Variants in PTPRF observed in about 807,000 individuals in gnomAD.
PTPRF encodes the protein protein tyrosine phosphatase receptor type F, also known as receptor-type tyrosine-protein phosphatase F.
A neutral mutation model predicts 201.8 loss-of-function variants in PTPRF; 59 were observed. The observed-to-expected ratio is 0.29, with a 90% CI of 0.24 to 0.36. PTPRF has a LOEUF of 0.36. Ranked by LOEUF, PTPRF falls within the 10% of genes least tolerant of loss-of-function variation. The pLI is 1.00. For missense variants in PTPRF, 2,132 were observed against 2,690.5 expected (o/e 0.79, Z 4.59); for synonymous variants, 1,088 against 1,089.7 (o/e 1.00, Z 0.03).
Position 43,578,873 on chromosome 1 carries a change from A to G in PTPRF, c.632A>G (p.Asn211Ser). ...DQGKYECVAT[N>S]SAGTRYSAPA... ...GGCAAGTACGAGTGTGTGGCGACCA[A>G]CTCGGCAGGCACACGTTACTCAGCC... Residue 211 changes from asparagine to serine, a missense_variant, in exon 7 of 34, where the codon AAC (asparagine) becomes AGC (serine). Physicochemically the swap from Asn to Ser is conservative, Grantham distance 46. This residue lies in a region of PTPRF where 297 missense variants were observed against 454.0 expected (regional missense o/e 0.65). Transcript: ENST00000359947. 6.2e-7 allele frequency: 1 copy of G among 1,614,166 alleles called. No homozygotes were observed. Among genetic ancestry groups the G allele is most frequent in the Non-Finnish European group, 8.5e-7 (1 of 1,180,022 alleles).
upstream of PTPRF, among the ~76,000 whole-genome samples, chr1:43,526,496 C>G (rs890350167): frequency 6.6e-6 from 1 of 151,972 alleles, no homozygotes; most frequent in African/African-American, 2.4e-5. Context: ...AAGTCCTGGG[C>G]CTTTTTTCTC....
At chr1:43,605,700 C>A in intron 19 of PTPRF, 78 bp downstream of exon 19, 1 of 1,358,140 alleles carries the variant, frequency 7.4e-7, no homozygotes, top group Non-Finnish European at 1.0e-6. Context: ...GAGCACTGTC[C>A]CAGTGACTCT....
Position 43,603,929 on chromosome 1 carries a change from G to A in PTPRF, c.2777G>A (p.Gly926Glu). ...SGFPQNLHVTGLTTSTTELAW... is the reference protein window; with the variant it reads ...SGFPQNLHVTELTTSTTELAW... ...TTCCCCCAAAACCTGCATGTGACAG[G>A]ACTGACCACGTCTACCACAGAACTG... Residue 926 changes from glycine to glutamate, a missense_variant, in exon 16 of 34, where the codon GGA becomes GAA. Coordinates refer to ENST00000359947, the MANE Select transcript of PTPRF (RefSeq NM_002840.5). This position sits in a 1 kb window ranked among gnomAD's most constrained non-coding sequence, Gnocchi z 5.8. 1 of 1,614,126 alleles carries A rather than the reference G, an allele frequency of 6.2e-7. No individual in the cohort carries two copies. Among genetic ancestry groups the A allele is most frequent in the Non-Finnish European group, 8.5e-7 (1 of 1,180,048 alleles).
At chr1:43,585,491 G>A (rs1056926184) in intron 7 of PTPRF, among the ~76,000 whole-genome samples, 6 of 152,196 alleles carry the variant, frequency 3.9e-5, no homozygotes, top group Non-Finnish European at 8.8e-5. Context: ...CTCTGGACCT[G>A]AGGCCCTTGC....
At chr1:43,569,457 G>C in intron 5 of PTPRF, 133 bp from the exon 6 acceptor site, 1 of 898,950 alleles carries the variant, frequency 1.1e-6, no homozygotes, top group Non-Finnish European at 1.7e-6. Flanking sequence ...TATGCTTCAT[G>C]CTTAGAAGTC....
chr1:43,532,679 T>C (rs1300236639), intron 1 of PTPRF: 1 of 155,350 alleles, frequency 6.4e-6, no homozygotes, highest in Non-Finnish European at 1.5e-5. Context: ...GAAATTTCTG[T>C]GCTTAGCTCC....
intron 1 of PTPRF, among the ~76,000 whole-genome samples, chr1:43,536,276 G>A (rs1321084783): frequency 6.6e-6 from 1 of 152,174 alleles, no homozygotes; most frequent in Non-Finnish European, 1.5e-5. Flanking sequence ...TGCCTGATAG[G>A]TTGTTTTGAG....
chr1:43,596,165 G>C (rs931428104), intron 11 of PTPRF, among the ~76,000 whole-genome samples: 2 of 152,174 alleles, frequency 1.3e-5, no homozygotes, highest in African/African-American at 4.8e-5. Flanking sequence ...CAAGGTTGAT[G>C]GACAGGCATC....
chr1:43,529,123 GA>G (rs963510757), upstream of PTPRF, among the ~76,000 whole-genome samples: 4 of 151,990 alleles, frequency 2.6e-5, no homozygotes, highest in African/African-American at 4.8e-5. Flanking sequence ...CAAAGTTCTG[GA>G]AAAAAAGGCA....
upstream of PTPRF, among the ~76,000 whole-genome samples, chr1:43,530,702 A>C (rs932123203): frequency 6.6e-6 from 1 of 152,154 alleles, no homozygotes; most frequent in Admixed American, 6.5e-5. The surrounding 1 kb of genome is among the most constrained non-coding windows in gnomAD (Gnocchi z 4.1). Context: ...CGGGTTCAAT[A>C]TTGAGGTTCC....
chr1:43,576,217 C>T (rs150871124), intron 6 of PTPRF, among the ~76,000 whole-genome samples: 1 of 152,388 alleles, frequency 6.6e-6, no homozygotes, highest in Non-Finnish European at 1.5e-5. Flanking sequence ...ACAGAAGGGA[C>T]CCCATCAGCT....
intron 2 of PTPRF, among the ~76,000 whole-genome samples, chr1:43,538,516 G>A (rs972958646): frequency 6.6e-6 from 1 of 152,196 alleles, no homozygotes; most frequent in Admixed American, 6.5e-5. Context: ...TAGACAGGAC[G>A]TGGTGAAGGA....
chr1:43,602,048 T>C (rs1458760483), intron 13 of PTPRF, 23 bp from the exon 14 acceptor site: 1 of 1,610,606 alleles, frequency 6.2e-7, no homozygotes, highest in South Asian at 1.1e-5. Context: ...CTGTCTCCCT[T>C]TCTCTCCCTC....
rs1438647118 is a variant in PTPRF at position 43,545,183 on chromosome 1, A to G, written c.91+17A>G. ...ATGGTGACAGTAAGTCTGACCCCTC[A>G]AGGTACAGATCTCCCAGGTTGAAAG... On this transcript the variant is annotated intron_variant, in intron 3 of 33. Transcript: ENST00000359947. 1.3e-6 allele frequency: 2 copies of G among 1,562,048 alleles called. No individual in the cohort carries two copies. Among genetic ancestry groups the G allele is most frequent in the Admixed American group, 3.8e-5 (2 of 52,846 alleles).
intron 11 of PTPRF, 22 bp from the exon 12 acceptor site, chr1:43,597,726 C>T (rs769318028): frequency 2.4e-5 from 32 of 1,318,340 alleles, no homozygotes; most frequent in Non-Finnish European, 3.3e-5. Flanking sequence ...CTGCTTGCTT[C>T]CCCCCCATTT....
chr1:43,619,024 G>A (rs749612370), intron 26 of PTPRF, 24 bp from the exon 27 acceptor site: 11 of 1,607,164 alleles, frequency 6.8e-6, no homozygotes, highest in Admixed American at 1.7e-5. Flanking sequence ...CTAGTCGCCA[G>A]TATGTCCCCA....
upstream of PTPRF, among the ~76,000 whole-genome samples, chr1:43,522,416 C>G (rs1642983144): frequency 6.6e-6 from 1 of 152,154 alleles, no homozygotes; most frequent in African/African-American, 2.4e-5. Flanking sequence ...TCCTTGGTCT[C>G]CAGATATTGA....
At chr1:43,575,643 A>AT (rs1203654120) in intron 6 of PTPRF, among the ~76,000 whole-genome samples, 4 of 150,704 alleles carry the variant, frequency 2.7e-5, no homozygotes, top group Non-Finnish European at 4.4e-5. Context: ...CACCTCCCTG[A>AT]TTCTCGTCAC....
chr1:43,550,762 G>A (rs1338036642), intron 3 of PTPRF, among the ~76,000 whole-genome samples: 2 of 152,222 alleles, frequency 1.3e-5, no homozygotes, highest in Admixed American at 1.3e-4. Flanking sequence ...GCTGTGGGAG[G>A]CAAGGGAGTT....
Sources: allele counts gnomAD v4.1 joint callset (sites outside exome capture counted in the v4.1 genomes callset), GRCh38; gene constraint gnomAD v4.1.1; regional missense constraint gnomAD v4.1.1; non-coding constraint Gnocchi (gnomAD v3.1); transcripts MANE v1.5; gene names NCBI Gene and HGNC (gene_info 2026-07-23, HGNC 2026-07-21).